The following NOPCHAP1 variants were observed in gnomAD, a reference collection of about 807,000 sequenced individuals.
NOPCHAP1 encodes the protein NOP protein chaperone 1.
Under a neutral mutation model 14.0 loss-of-function variants are expected in NOPCHAP1, and 13 were observed. The observed-to-expected ratio is 0.93, with a 90% CI of 0.60 to 1.47. NOPCHAP1 has a LOEUF of 1.47. Among genes scored for constraint, NOPCHAP1 ranks in the 40% most tolerant of loss-of-function variants. The pLI is 0.00. For missense variants in NOPCHAP1, 230 were observed against 226.9 expected (o/e 1.01, Z -0.09); for synonymous variants, 78 against 78.4 (o/e 1.00, Z 0.03).
chr12:104,988,059 A>T, intron 1 of NOPCHAP1, 108 bp from the exon 2 acceptor site: 3 of 757,088 alleles, frequency 4.0e-6, no homozygotes, highest in Non-Finnish European at 6.4e-6. Flanking sequence ...ATTTTGGGGG[A>T]GTGTGGACAG....
At position 105,016,506 on chromosome 12, in the gene NOPCHAP1, G is replaced by T. The variant is rs982858376; in HGVS notation, c.*21810G>T. ...ACCCGAGACTGGGTAATTTATAAAG[G>T]AAAGGAGGTTTAATGGACTCACAGT... On this transcript the variant is annotated 3_prime_UTR_variant, in exon 4 of 4. Coordinates refer to ENST00000552951, the MANE Select transcript of NOPCHAP1 (RefSeq NM_152318.3). 4 of 152,892 alleles carry T rather than the reference G, an allele frequency of 2.6e-5. No individual in the cohort carries two copies. The highest frequency in any genetic ancestry group is 9.6e-5 in the African/African-American group (4 of 41,464). 9.5% of individuals were successfully genotyped at this position (152,892 alleles called of 1,614,324 possible). A position where few individuals can be genotyped will look rare whatever the true frequency, so the allele number is the denominator to read the frequency against.
rs1873713344 is a variant in NOPCHAP1 at position 105,006,561 on chromosome 12, A to C, written c.*11865A>C. The stretch of plus-strand genomic sequence containing the variant: ...AGCATTGATGGAACCAATCCAGACA[A>C]AGGGGTCTTGTCCAAGCCTTTTTGT... On this transcript the variant is annotated 3_prime_UTR_variant, in exon 4 of 4. Coordinates refer to ENST00000552951, the MANE Select transcript of NOPCHAP1 (RefSeq NM_152318.3). The C allele has an allele frequency of 6.6e-6, 1 of 152,214 alleles. No individual in the cohort carries two copies. Among genetic ancestry groups the C allele is most frequent in the Non-Finnish European group, 1.5e-5 (1 of 68,032 alleles). 9.4% of individuals were successfully genotyped at this position (152,214 alleles called of 1,614,324 possible). A position where few individuals can be genotyped will look rare whatever the true frequency, so the allele number is the denominator to read the frequency against.
At position 104,994,707 on chromosome 12, in the gene NOPCHAP1, T is replaced by C. The variant is rs373932826; in HGVS notation, c.*11T>C. 1 of 1,588,696 alleles carries C rather than the reference T, an allele frequency of 6.3e-7. No homozygotes were observed. Among genetic ancestry groups the C allele is most frequent in the Non-Finnish European group, 8.6e-7 (1 of 1,162,424 alleles). On this transcript the variant is annotated 3_prime_UTR_variant, in exon 4 of 4. Transcript: ENST00000552951. ...AAAAAAAAGAAATAGTCAAATAAAT[T>C]ATCTGAAAAGAAACAGGTGACATAT...
rs1193615379 is a variant in NOPCHAP1, at chr12:104,986,454, CGACGGCCGCGGAGGTGACGGACGGGT to C, written c.109_115+19del. 1 of 1,602,486 alleles carries C rather than the reference CGACGGCCGCGGAGGTGACGGACGGGT, an allele frequency of 6.2e-7. No individual in the cohort carries two copies. Among genetic ancestry groups the C allele is most frequent in the Admixed American group, 1.7e-5 (1 of 59,076 alleles). ...CCAAGGAGCTGCTGACGGCGGGAAG[CGACGGCCGCGGAGGTGACGGACGGGT>C]GACGGCGGCATGGGCCGCACACGTG... is the stretch of plus-strand genomic sequence containing the variant. On this transcript the variant is annotated splice_donor_variant and splice_donor_5th_base_variant and coding_sequence_variant and intron_variant, in exon 1 of 4. Coordinates refer to ENST00000552951, the MANE Select transcript of NOPCHAP1 (RefSeq NM_152318.3). LOFTEE classifies it high-confidence loss of function.
Position 105,017,395 on chromosome 12 carries a change from A to G in NOPCHAP1, c.*22699A>G. 1 of 146,464 alleles carries G rather than the reference A, an allele frequency of 6.8e-6. No homozygotes were observed. 9.1% of individuals were successfully genotyped at this position (146,464 alleles called of 1,614,324 possible). ...ATATCTGTAATCCCAGCTACTTGGG[A>G]GGCTGAGGCAGGAGAATCGCTTGAA... On this transcript the variant is annotated 3_prime_UTR_variant, in exon 4 of 4. Coordinates refer to ENST00000552951, the MANE Select transcript of NOPCHAP1 (RefSeq NM_152318.3).
chr12:104,988,398 T>G, intron 2 of NOPCHAP1, 145 bp downstream of exon 2: 1 of 557,986 alleles, frequency 1.8e-6, no homozygotes, highest in Non-Finnish European at 3.2e-6. Context: ...CATGATAAAG[T>G]CAGTACACAG....
intron 2 of NOPCHAP1, among the ~76,000 whole-genome samples, chr12:104,990,138 ATGT>A (rs772685957): frequency 1.2e-4 from 18 of 151,930 alleles, no homozygotes; most frequent in Non-Finnish European, 2.2e-4. Context: ...TTTTTATTAG[ATGT>A]TGGACATTTT....
rs748939881 is a variant in NOPCHAP1 at position 104,988,235 on chromosome 12, C to T, written c.184C>T (p.Arg62Trp). 5.6e-6 allele frequency: 9 copies of T among 1,611,542 alleles called. No homozygotes were observed. Among genetic ancestry groups the T allele is most frequent in the South Asian group, 4.4e-5 (4 of 90,648 alleles). Reference sequence around the variant, plus strand: ...AAAGACCTCCACTCTTCAAACAGTTCGGATAGAGAGGAGTCCCTGTAAGTA... The same window carrying T: ...AAAGACCTCCACTCTTCAAACAGTTTGGATAGAGAGGAGTCCCTGTAAGTA... ...SRKTSTLQTV[R>W]IERSPLLDQV... Residue 62 changes from arginine to tryptophan, a missense_variant, in exon 2 of 4, where the codon CGG becomes TGG. Transcript: ENST00000552951.
intron 2 of NOPCHAP1, among the ~76,000 whole-genome samples, chr12:104,988,873 T>G (rs1873309648): frequency 6.6e-6 from 1 of 152,214 alleles, no homozygotes. Flanking sequence ...GCATCATTAC[T>G]GTAGCACTAA....
intron 2 of NOPCHAP1, 42 bp from the exon 3 acceptor site, chr12:104,991,670 T>C (rs1218270545): frequency 1.3e-6 from 2 of 1,544,070 alleles, no homozygotes; most frequent in African/African-American, 2.8e-5. Context: ...GTTTCAGAAT[T>C]TACTAGCATA....
At chr12:104,991,055 C>T (rs1873363998) in intron 2 of NOPCHAP1, among the ~76,000 whole-genome samples, 1 of 152,252 alleles carries the variant, frequency 6.6e-6, no homozygotes. Flanking sequence ...TATATTCAGC[C>T]AACTCAGTCA....
rs1489624567 is a variant in NOPCHAP1, at chr12:105,010,336, T to G, written c.*15640T>G. On this transcript the variant is annotated 3_prime_UTR_variant, in exon 4 of 4. Transcript: ENST00000552951. ...CAGTGATGATATCCCCTTTATCATT[T>G]TTTATTGTGTCTGTTTGATTCTTCT... 6.6e-6 allele frequency: 1 copy of G among 152,166 alleles called. No individual in the cohort carries two copies. Among genetic ancestry groups the G allele is most frequent in the Non-Finnish European group, 1.5e-5 (1 of 68,042 alleles). The allele number at this position is 152,166 out of a possible 1,614,324, so 9.4% of individuals were successfully genotyped here. A position where few individuals can be genotyped will look rare whatever the true frequency, so the allele number is the denominator to read the frequency against.
rs1164938262 is a variant in NOPCHAP1 at position 105,016,261 on chromosome 12, C to T, written c.*21565C>T. 2 of 152,112 alleles carry T rather than the reference C, an allele frequency of 1.3e-5. No individual in the cohort carries two copies. Among genetic ancestry groups the T allele is most frequent in the Non-Finnish European group, 2.9e-5 (2 of 68,016 alleles). The allele number at this position is 152,112 out of a possible 1,614,324, so 9.4% of individuals were successfully genotyped here. ...CAGAAAAAGGGTCAACTCCATTTAT[C>T]AGAGAAATGCAAATGAAATCAGGAT... On this transcript the variant is annotated 3_prime_UTR_variant, in exon 4 of 4. Coordinates refer to ENST00000552951, the MANE Select transcript of NOPCHAP1 (RefSeq NM_152318.3).
In NOPCHAP1 at chr12:104,994,698, CAAAT is replaced by C; in HGVS notation, c.*7_*10del. The C allele has an allele frequency of 6.3e-7, 1 of 1,595,322 alleles. No homozygotes were observed. Among genetic ancestry groups the C allele is most frequent in the Non-Finnish European group, 8.6e-7 (1 of 1,168,018 alleles). On this transcript the variant is annotated 3_prime_UTR_variant, in exon 4 of 4. Transcript: ENST00000552951. Reference sequence around the variant, plus strand: ...CCAGCAAGTAAAAAAAAGAAATAGTCAAATAAATTATCTGAAAAGAAACAGGTGA... The same window carrying C: ...CCAGCAAGTAAAAAAAAGAAATAGTCAAATTATCTGAAAAGAAACAGGTGA...
Position 104,986,603 on chromosome 12 carries a change from G to A in NOPCHAP1, c.115+136G>A. The A allele has an allele frequency of 1.5e-5, 10 of 682,186 alleles. 1 individual carries two copies. Among genetic ancestry groups the A allele is most frequent in the South Asian group, 1.2e-4 (5 of 41,958 alleles). 42.3% of individuals were successfully genotyped at this position (682,186 alleles called of 1,614,324 possible). A position where few individuals can be genotyped will look rare whatever the true frequency, so the allele number is the denominator to read the frequency against. On this transcript the variant is annotated intron_variant, in intron 1 of 3. Coordinates refer to ENST00000552951, the MANE Select transcript of NOPCHAP1 (RefSeq NM_152318.3). ...GGGGAGCCCCGGGGACTGCTGCGGG[G>A]CTCCGGCGTGCCCTGCCCGCGGCAG... is the stretch of plus-strand genomic sequence containing the variant.
chr12:104,990,389 A>T (rs1419314722), intron 2 of NOPCHAP1, among the ~76,000 whole-genome samples: 1 of 152,256 alleles, frequency 6.6e-6, no homozygotes, highest in African/African-American at 2.4e-5. Flanking sequence ...GGACAGAGAA[A>T]TACCTTTATT....
In NOPCHAP1 at chr12:104,996,702, G is replaced by A. The variant is rs1490093764; in HGVS notation, c.*2006G>A. ...TGATGATCTGCCTAATACTGTCAGT[G>A]GGGTGTTAAAGTCTCCCACTATTAT... On this transcript the variant is annotated 3_prime_UTR_variant, in exon 4 of 4. Transcript: ENST00000552951. 2.0e-5 allele frequency: 3 copies of A among 152,176 alleles called. No homozygotes were observed. Among genetic ancestry groups the A allele is most frequent in the African/African-American group, 7.2e-5 (3 of 41,442 alleles). 9.4% of individuals were successfully genotyped at this position (152,176 alleles called of 1,614,324 possible). A position where few individuals can be genotyped will look rare whatever the true frequency, so the allele number is the denominator to read the frequency against.
Position 105,008,960 on chromosome 12 carries a change from A to C in NOPCHAP1, c.*14264A>C, listed in dbSNP as rs1873760642. The C allele has an allele frequency of 6.6e-6, 1 of 152,186 alleles. No homozygotes were observed. The highest frequency in any genetic ancestry group is 2.1e-4 in the South Asian group (1 of 4,830). 9.4% of individuals were successfully genotyped at this position (152,186 alleles called of 1,614,324 possible). A position where few individuals can be genotyped will look rare whatever the true frequency, so the allele number is the denominator to read the frequency against. On this transcript the variant is annotated 3_prime_UTR_variant, in exon 4 of 4. Transcript: ENST00000552951. Reference sequence around the variant, plus strand: ...CTTTTTGCTTAGGATTGTCTTGGCTATATGGGCTCTTTTTGGGTTTCATAT... The same window carrying C: ...CTTTTTGCTTAGGATTGTCTTGGCTCTATGGGCTCTTTTTGGGTTTCATAT...
In NOPCHAP1 at chr12:105,005,223, C is replaced by T. The variant is rs1039159040; in HGVS notation, c.*10527C>T. ...TTGTTTGACAAAGAATTGGATAAAA[C>T]GTGCAAATCAATGAAAGGATGAAGC... On this transcript the variant is annotated 3_prime_UTR_variant, in exon 4 of 4. Transcript: ENST00000552951. The T allele has an allele frequency of 2.6e-5, 4 of 152,142 alleles. No individual in the cohort carries two copies. Among genetic ancestry groups the T allele is most frequent in the Non-Finnish European group, 4.4e-5 (3 of 68,024 alleles). 9.4% of individuals were successfully genotyped at this position (152,142 alleles called of 1,614,324 possible).
Sources: gnomAD v4.1 joint callset for allele counts (sites outside exome capture counted in the v4.1 genomes callset) on GRCh38, gnomAD v4.1.1 for gene constraint, MANE v1.5 for transcripts, NCBI Gene and HGNC (gene_info 2026-07-23, HGNC 2026-07-21) for gene names.